CDC42SE2: variants seen among roughly 807,000 people sequenced by gnomAD.
CDC42SE2 encodes the protein CDC42 small effector 2.
CDC42SE2 carries 3 observed loss-of-function variants against 11.5 expected under a neutral mutation model. The observed-to-expected ratio is 0.26, with a 90% CI of 0.12 to 0.67. The LOEUF (loss-of-function observed/expected upper bound fraction) is 0.67, where lower values mean the gene tolerates loss of function less well. Among genes scored for constraint, CDC42SE2 ranks in the 30% least tolerant of loss-of-function variants. CDC42SE2 has a pLI of 0.80. For missense variants in CDC42SE2, 82 were observed against 106.8 expected, an observed-to-expected ratio of 0.77 and a Z score of 1.02; for synonymous variants, 33 against 34.8, an observed-to-expected ratio of 0.95 and a Z score of 0.18.
chr5:131,313,864 G>C (rs550483198), intron 1 of CDC42SE2, among the ~76,000 whole-genome samples: 2 of 152,202 alleles, frequency 1.3e-5, no homozygotes, highest in Non-Finnish European at 2.9e-5. Flanking sequence ...GTCTCACTCT[G>C]TCACCCTGGC....
intron 1 of CDC42SE2, among the ~76,000 whole-genome samples, chr5:131,299,395 A>T (rs1033406058): frequency 6.6e-6 from 1 of 152,160 alleles, no homozygotes; most frequent in Non-Finnish European, 1.5e-5. Flanking sequence ...GTTGGGGAGA[A>T]ACAGATTGGA....
Position 131,272,832 on chromosome 5 carries a change from C to CT in CDC42SE2, c.-455+8671dup, listed in dbSNP as rs369186777. ...TCTCTTTCATTCTACCATAACAGCT[C>CT]TTTTTGAGATTATTGAGTGACTTTG... On this transcript the variant is annotated intron_variant, in intron 1 of 4. Coordinates refer to ENST00000505065, the MANE Select transcript of CDC42SE2 (RefSeq NM_001375635.1). 5.0e-4 allele frequency among the ~76,000 whole-genome samples: 76 copies of CT among 152,244 alleles called. No homozygotes were observed. In the Middle Eastern group the frequency reaches 0.01, roughly 20 times the overall value.
At chr5:131,344,980 A>G (rs1276730884) in intron 2 of CDC42SE2, among the ~76,000 whole-genome samples, 2 of 152,208 alleles carry the variant, frequency 1.3e-5, no homozygotes, top group Non-Finnish European at 2.9e-5. Context: ...GGACATCCAC[A>G]CCAAAACCCC....
intron 1 of CDC42SE2, among the ~76,000 whole-genome samples, chr5:131,246,393 T>C (rs927179810): frequency 4.6e-5 from 7 of 152,082 alleles, no homozygotes; most frequent in African/African-American, 1.7e-4. Flanking sequence ...AAGGCAGAGG[T>C]TGCAGTGAGC....
chr5:131,282,540 C>A (rs1056606325), intron 1 of CDC42SE2, among the ~76,000 whole-genome samples: 3 of 152,002 alleles, frequency 2.0e-5, no homozygotes, highest in African/African-American at 7.3e-5. Context: ...AAGGAAGTAA[C>A]CTTTTTTTTT....
chr5:131,385,779 G>A (rs1203255921), intron 4 of CDC42SE2, 135 bp downstream of exon 4: 3 of 489,648 alleles, frequency 6.1e-6, no homozygotes, highest in African/African-American at 5.8e-5. Flanking sequence ...CATAATATGA[G>A]CATAGAAGAG....
chr5:131,372,498 C>T (rs1320694369), intron 3 of CDC42SE2, among the ~76,000 whole-genome samples: 1 of 151,816 alleles, frequency 6.6e-6, no homozygotes, highest in Non-Finnish European at 1.5e-5. Context: ...TGGATCACGA[C>T]GTCAGGAGAT....
intron 1 of CDC42SE2, among the ~76,000 whole-genome samples, chr5:131,271,861 G>A (rs137993955): frequency 5.3e-4 from 81 of 152,190 alleles, no homozygotes; most frequent in African/African-American, 1.9e-3. Flanking sequence ...CACCCTTTGT[G>A]TCCAGTTCTC....
intron 1 of CDC42SE2, among the ~76,000 whole-genome samples, chr5:131,301,931 G>A (rs1757691818): frequency 6.6e-6 from 1 of 152,084 alleles, no homozygotes; most frequent in Admixed American, 6.6e-5. Flanking sequence ...AGTACACTTA[G>A]TAAGTGGCAG....
intron 1 of CDC42SE2, among the ~76,000 whole-genome samples, chr5:131,251,223 G>T (rs1191967330): frequency 6.6e-6 from 1 of 152,164 alleles, no homozygotes; most frequent in Non-Finnish European, 1.5e-5. Flanking sequence ...GAACTGAAAT[G>T]CTTTTGTAGT....
intron 1 of CDC42SE2, among the ~76,000 whole-genome samples, chr5:131,247,774 TG>T (rs1473490528): frequency 2.4e-4 from 37 of 152,210 alleles, no homozygotes; most frequent in Non-Finnish European, 2.8e-4. Context: ...CATAAGTAGC[TG>T]GGATTATAAG....
chr5:131,239,987 G>A, the CDC42SE2 span, among the ~76,000 whole-genome samples: 1 of 152,136 alleles, frequency 6.6e-6, no homozygotes, highest in Non-Finnish European at 1.5e-5. Context: ...TATATTTTAT[G>A]TTCTCCTTTG....
intron 1 of CDC42SE2, among the ~76,000 whole-genome samples, chr5:131,253,594 A>C (rs1240418064): frequency 1.3e-5 from 2 of 152,050 alleles, no homozygotes; most frequent in Non-Finnish European, 2.9e-5. Flanking sequence ...GCGAAACCCT[A>C]TCTCTATTAA....
At chr5:131,298,619 T>A (rs2149714446) in intron 1 of CDC42SE2, among the ~76,000 whole-genome samples, 1 of 57,554 alleles carries the variant, frequency 1.7e-5, no homozygotes, top group East Asian at 2.7e-4. Context: ...GATAGTTCTT[T>A]CTTTTTTTTA....
At chr5:131,390,490 G>C (rs2149791781) in intron 4 of CDC42SE2, among the ~76,000 whole-genome samples, 1 of 152,216 alleles carries the variant, frequency 6.6e-6, no homozygotes, top group South Asian at 2.1e-4. Flanking sequence ...TTCAAGACCA[G>C]CCTGGCCAAC....
rs549803007 is a variant in CDC42SE2 at position 131,324,684 on chromosome 5, A to T, written c.-286+8540A>T. Among the ~76,000 whole-genome samples the T allele has an allele frequency of 2.1e-3, 318 of 152,100 alleles. 2 individuals carry two copies. The highest frequency in any genetic ancestry group is 7.4e-3 in the African/African-American group (308 of 41,484). On this transcript the variant is annotated intron_variant, in intron 2 of 4. Coordinates refer to ENST00000505065, the MANE Select transcript of CDC42SE2 (RefSeq NM_001375635.1). ...GGTAGATACTGACATTTTTCCACAC[A>T]TTTTTTTTAAAAAGTCCAAAAGCTC...
intron 3 of CDC42SE2, among the ~76,000 whole-genome samples, chr5:131,369,350 C>G (rs750852961): frequency 6.6e-6 from 1 of 152,088 alleles, no homozygotes; most frequent in Non-Finnish European, 1.5e-5. Context: ...AAACCTAGTA[C>G]GCGACTATTA....
the CDC42SE2 span, among the ~76,000 whole-genome samples, chr5:131,232,462 G>C: frequency 6.6e-6 from 1 of 152,132 alleles, no homozygotes; most frequent in African/African-American, 2.4e-5. Flanking sequence ...CCTGGGCACA[G>C]TGGCTCACGC....
intron 1 of CDC42SE2, among the ~76,000 whole-genome samples, chr5:131,279,946 A>G (rs1469680583): frequency 6.6e-6 from 1 of 152,042 alleles, no homozygotes; most frequent in Non-Finnish European, 1.5e-5. Context: ...GAGTGTGTTT[A>G]TGACCCCAGC....
Sources: allele counts gnomAD v4.1 joint callset (sites outside exome capture counted in the v4.1 genomes callset), GRCh38; gene constraint gnomAD v4.1.1; transcripts MANE v1.5; gene names NCBI Gene and HGNC (gene_info 2026-07-23, HGNC 2026-07-21).